The following NPLOC4 variants were observed in gnomAD, a reference collection of about 807,000 sequenced individuals.
NPLOC4 encodes nuclear protein localization protein 4 homolog.
In NPLOC4, 18 loss-of-function variants were observed where a neutral mutation model predicts 80.6. The observed-to-expected ratio is 0.22, with a 90% CI of 0.15 to 0.33. NPLOC4 has a LOEUF of 0.33. Ranked by LOEUF, NPLOC4 falls within the 10% of genes least tolerant of loss-of-function variation. The pLI, the probability that NPLOC4 is intolerant of heterozygous loss-of-function variation, is 1.00. For synonymous variants in NPLOC4, 313 were observed against 301.5 expected (o/e 1.04, Z -0.39); for missense variants, 540 against 786.1 (o/e 0.69, Z 3.74).
At chr17:81,603,775 C>T (rs7221003) in intron 8 of NPLOC4, among the ~76,000 whole-genome samples, 3,585 of 152,214 alleles carry the variant, frequency 0.024, 136 homozygotes, top group African/African-American at 0.082. Context: ...GTATTACAGA[C>T]ATAAATGTAC....
intron 3 of NPLOC4, 83 bp from the exon 4 acceptor site, chr17:81,613,577 C>G: frequency 7.5e-7 from 1 of 1,334,690 alleles, no homozygotes; most frequent in Non-Finnish European, 1.0e-6. Flanking sequence ...CTGCAAAAAG[C>G]AAATGCCAAC....
At chr17:81,633,090 T>C (rs2035973537) in intron 1 of NPLOC4, among the ~76,000 whole-genome samples, 2 of 137,552 alleles carry the variant, frequency 1.5e-5, no homozygotes, top group South Asian at 4.5e-4. Context: ...ATCGCGCCAC[T>C]GCACTCCAGC....
intron 3 of NPLOC4, among the ~76,000 whole-genome samples, chr17:81,621,619 A>G (rs1386986048): frequency 6.6e-6 from 1 of 152,234 alleles, no homozygotes; most frequent in Non-Finnish European, 1.5e-5. Flanking sequence ...CTCACGGTCT[A>G]TCACAACTAA....
intron 3 of NPLOC4, among the ~76,000 whole-genome samples, 165 bp from the exon 4 acceptor site, chr17:81,613,659 G>A (rs996054366): frequency 6.6e-6 from 1 of 152,112 alleles, no homozygotes; most frequent in Non-Finnish European, 1.5e-5. Flanking sequence ...TCTCCCCTAT[G>A]TTTCCTGGCA....
chr17:81,571,058 C>T (rs2034148707), intron 13 of NPLOC4, among the ~76,000 whole-genome samples: 1 of 152,030 alleles, frequency 6.6e-6, no homozygotes, highest in Non-Finnish European at 1.5e-5. Flanking sequence ...TTAATTACAC[C>T]CTAGGTAGTC....
chr17:81,558,923 G>A lies in NPLOC4; in HGVS notation c.*336C>T, dbSNP rs528299701. 5.0e-5 allele frequency: 11 copies of A among 219,102 alleles called. No individual in the cohort carries two copies. Among genetic ancestry groups the A allele is most frequent in the East Asian group, 5.0e-4 (5 of 10,054 alleles). The allele number at this position is 219,102 out of a possible 1,614,324, so 13.6% of individuals were successfully genotyped here. On this transcript the variant is annotated 3_prime_UTR_variant, in exon 17 of 17. Coordinates refer to ENST00000331134, the MANE Select transcript of NPLOC4 (RefSeq NM_017921.4). ...AGAAGGCTGGGTGGTGGCAGCATCG[G>A]CCCCTCCCTGTGCGCCCCAATTCCA...
intron 1 of NPLOC4, 196 bp from the exon 2 acceptor site, chr17:81,630,001 A>T: frequency 1.9e-6 from 1 of 520,538 alleles, no homozygotes; most frequent in East Asian, 3.2e-5. Flanking sequence ...ATATGGGGAG[A>T]TATTTTAAGA....
chr17:81,589,825 C>A (rs1380496152), intron 11 of NPLOC4, among the ~76,000 whole-genome samples: 1 of 149,984 alleles, frequency 6.7e-6, no homozygotes, highest in Non-Finnish European at 1.5e-5. Context: ...TAGTGAGACC[C>A]TATCTTTACA....
intron 3 of NPLOC4, among the ~76,000 whole-genome samples, chr17:81,620,915 C>T (rs1394044506): frequency 6.6e-6 from 1 of 151,834 alleles, no homozygotes; most frequent in African/African-American, 2.4e-5. Context: ...CCCAGCTACT[C>T]GGGAGGCTGA....
intron 12 of NPLOC4, among the ~76,000 whole-genome samples, chr17:81,575,390 A>G (rs886280493): frequency 2.2e-4 from 33 of 152,310 alleles, no homozygotes; most frequent in African/African-American, 7.9e-4. Flanking sequence ...CGTGAGCCAC[A>G]GCGCCCAGCT....
chr17:81,634,589 CTTT>C (rs34386430), intron 1 of NPLOC4, among the ~76,000 whole-genome samples: 11 of 141,828 alleles, frequency 7.8e-5, no homozygotes, highest in Admixed American at 2.1e-4. Flanking sequence ...ATGATTAACA[CTTT>C]TTTTTTTTTT....
At chr17:81,619,553 GAAAAAAAAAAAAAA>G (rs34176297) in intron 3 of NPLOC4, among the ~76,000 whole-genome samples, 1 of 107,024 alleles carries the variant, frequency 9.3e-6, no homozygotes, top group African/African-American at 3.3e-5. Context: ...TCTGTCTCAA[GAAAAAAAAAAAAAA>G]AGAAAGAAAA....
rs1200054466 is a variant in NPLOC4, at chr17:81,597,325, A to G, written c.922-9T>C. On this transcript the variant is annotated splice_polypyrimidine_tract_variant and intron_variant, in intron 9 of 16. Transcript: ENST00000331134. ...GTAAATATCCAGCCAACCTTAAAAA[A>G]AGGAAAGTAGCTTTTAAACATCTCC... 9 of 1,611,188 alleles carry G rather than the reference A, an allele frequency of 5.6e-6. No homozygotes were observed. The highest frequency in any genetic ancestry group is 7.6e-6 in the Non-Finnish European group (9 of 1,177,456).
intron 12 of NPLOC4, among the ~76,000 whole-genome samples, chr17:81,584,263 C>A (rs1330117487): frequency 6.6e-6 from 1 of 152,146 alleles, no homozygotes; most frequent in Admixed American, 6.5e-5. Context: ...TCCTACAGGG[C>A]TATAAACAAT....
At chr17:81,634,748 G>C (rs2036022514) in intron 1 of NPLOC4, among the ~76,000 whole-genome samples, 1 of 152,002 alleles carries the variant, frequency 6.6e-6, no homozygotes, top group Non-Finnish European at 1.5e-5. Context: ...ACCACACCCG[G>C]CTAATTTTTT....
intron 15 of NPLOC4, among the ~76,000 whole-genome samples, chr17:81,565,933 G>A (rs1008619187): frequency 1.3e-5 from 2 of 152,224 alleles, no homozygotes; most frequent in African/African-American, 4.8e-5. Flanking sequence ...AGTCTTGACT[G>A]TGAGACGTGT....
chr17:81,594,477 C>T (rs915462190), intron 11 of NPLOC4, among the ~76,000 whole-genome samples: 2 of 151,700 alleles, frequency 1.3e-5, no homozygotes, highest in African/African-American at 4.8e-5. Flanking sequence ...TTCATTTCTA[C>T]TAAAAATTTA....
chr17:81,624,219 G>A (rs1890878645), intron 2 of NPLOC4, among the ~76,000 whole-genome samples: 1 of 152,104 alleles, frequency 6.6e-6, no homozygotes, highest in African/African-American at 2.4e-5. Context: ...AGGAGATCGA[G>A]GCCAGCCTGG....
rs2035219350 is a variant in NPLOC4, at chr17:81,606,930, T to A, written c.531-116A>T. On this transcript the variant is annotated intron_variant, in intron 6 of 16. Coordinates refer to ENST00000331134, the MANE Select transcript of NPLOC4 (RefSeq NM_017921.4). ...AACAGTGTCTCAGGAGCTAAGCACG[T>A]GGCAGCAGCAGGGAAGATGGGCTAA... 14 of 922,962 alleles carry A rather than the reference T, an allele frequency of 1.5e-5. No homozygotes were observed. The South Asian group carries it at 2.1e-4, about 14-fold the overall frequency. The allele number at this position is 922,962 out of a possible 1,614,324, so 57.2% of individuals were successfully genotyped here. A position where few individuals can be genotyped will look rare whatever the true frequency, so the allele number is the denominator to read the frequency against.
Sources: allele counts gnomAD v4.1 joint callset (sites outside exome capture counted in the v4.1 genomes callset), GRCh38; gene constraint gnomAD v4.1.1; transcripts MANE v1.5; gene names NCBI Gene and HGNC (gene_info 2026-07-23, HGNC 2026-07-21).